Variants in PPM1H observed in about 807,000 individuals in gnomAD.
PPM1H encodes the protein protein phosphatase, Mg2+/Mn2+ dependent 1H.
A neutral mutation model predicts 54.9 loss-of-function variants in PPM1H; 27 were observed. The observed-to-expected ratio is 0.49, with a 90% CI of 0.36 to 0.68. The LOEUF (loss-of-function observed/expected upper bound fraction) is 0.68, where lower values mean the gene tolerates loss of function less well. Ranked by LOEUF, PPM1H falls within the 30% of genes least tolerant of loss-of-function variation. PPM1H has a pLI of 0.00. For synonymous variants in PPM1H, 305 were observed against 270.8 expected (o/e 1.13, Z -1.24); for missense variants, 596 against 667.8 (o/e 0.89, Z 1.19).
chr12:62,926,341 C>G (rs147010200), intron 1 of PPM1H, among the ~76,000 whole-genome samples: 2 of 152,088 alleles, frequency 1.3e-5, no homozygotes, highest in Admixed American at 1.3e-4. Context: ...CCCCCACCAC[C>G]CCAAAGTTAG....
rs183362125 is a variant in PPM1H at position 62,677,513 on chromosome 12, A to C, written c.1246-10184T>G. ...GGCACCACCATGTTCCCCAGTGCCC[A>C]CAGTGGAAGCCGCTTGTGGTGTGCC... On this transcript the variant is annotated intron_variant, in intron 8 of 9. Transcript: ENST00000228705. Among the ~76,000 whole-genome samples the C allele has an allele frequency of 2.3e-3, 348 of 152,308 alleles. 1 individual carries two copies. Among genetic ancestry groups the C allele is most frequent in the African/African-American group, 7.8e-3 (324 of 41,580 alleles).
rs546466432 is a variant in PPM1H, at chr12:62,925,177, A to G, written c.245+9315T>C. 4.0e-4 allele frequency among the ~76,000 whole-genome samples: 61 copies of G among 152,344 alleles called. 2 individuals carry two copies. In the South Asian group the frequency reaches 0.011, roughly 27 times the overall value. ...TATCTTAGACTAATTAAAAAAGGGG[A>G]AACTATAGAAGTTGAACTTTTGTTT... is the stretch of plus-strand genomic sequence containing the variant. On this transcript the variant is annotated intron_variant, in intron 1 of 9. Coordinates refer to ENST00000228705, the MANE Select transcript of PPM1H (RefSeq NM_020700.2).
chr12:62,857,963 A>G (rs944381477), intron 1 of PPM1H, among the ~76,000 whole-genome samples: 3 of 151,968 alleles, frequency 2.0e-5, no homozygotes, highest in Non-Finnish European at 4.4e-5. Context: ...ACCCTTATCT[A>G]TTTGTCATGA....
intron 1 of PPM1H, among the ~76,000 whole-genome samples, chr12:62,912,193 A>G (rs1305230181): frequency 1.3e-5 from 2 of 152,248 alleles, no homozygotes; most frequent in African/African-American, 4.8e-5. Flanking sequence ...TATGAAGCTA[A>G]CAACATTCAT....
At chr12:62,778,995 G>A (rs1161157147) in intron 4 of PPM1H, among the ~76,000 whole-genome samples, 2 of 149,082 alleles carry the variant, frequency 1.3e-5, no homozygotes, top group Non-Finnish European at 3.0e-5. Context: ...AAGGAAGGAA[G>A]AAAGAAAAAG....
intron 6 of PPM1H, among the ~76,000 whole-genome samples, chr12:62,699,296 A>G (rs1367121628): frequency 6.6e-6 from 1 of 152,210 alleles, no homozygotes; most frequent in Non-Finnish European, 1.5e-5. Context: ...TCCTGGGTTC[A>G]AGTGATTCTC....
chr12:62,926,556 A>C (rs1156932377), intron 1 of PPM1H, among the ~76,000 whole-genome samples: 3 of 152,224 alleles, frequency 2.0e-5, no homozygotes, highest in African/African-American at 7.2e-5. Context: ...AAAATATCAC[A>C]ACATAATAGG....
intron 1 of PPM1H, among the ~76,000 whole-genome samples, chr12:62,874,820 T>C (rs1232854712): frequency 2.6e-5 from 4 of 152,246 alleles, no homozygotes. Context: ...CCGTGCTTTA[T>C]GTTAATGTAA....
Position 62,656,140 on chromosome 12 carries a change from C to G in PPM1H, c.1398-7504G>C, listed in dbSNP as rs569021159. ...GATTGTCCTCTTGTCCTTGCAGATT[C>G]TGTTGCTGTCCTTAGTTCTTTTCCT... On this transcript the variant is annotated intron_variant, in intron 9 of 9. Coordinates refer to ENST00000228705, the MANE Select transcript of PPM1H (RefSeq NM_020700.2). Among the ~76,000 whole-genome samples, 9 of 152,338 alleles carry G rather than the reference C, an allele frequency of 5.9e-5. No homozygotes were observed. The East Asian group carries it at 1.5e-3, about 26-fold the overall frequency.
In PPM1H at chr12:62,801,892, G is replaced by C. The variant is rs2076772178; in HGVS notation, c.680C>G (p.Thr227Arg). ...GAPGSPSTPP[T>R]RFFTEKKIPH... ...AATCTTCTTCTCGGTAAAGAAGCGT[G>C]TGGGGGGCGTGCTGGGGGAGCCCGG... Residue 227 changes from threonine (T) to arginine (R), a missense_variant, in exon 3 of 10, where the codon ACA (threonine) becomes AGA (arginine). Physicochemically the swap from Thr to Arg is moderately conservative, Grantham distance 71 (BLOSUM62 -1). Coordinates refer to ENST00000228705, the MANE Select transcript of PPM1H (RefSeq NM_020700.2). The C allele has an allele frequency of 6.2e-7, 1 of 1,613,726 alleles. No individual in the cohort carries two copies. The highest frequency in any genetic ancestry group is 1.7e-5 in the Admixed American group (1 of 60,008).
intron 8 of PPM1H, among the ~76,000 whole-genome samples, chr12:62,683,054 ATTATTATTATTATTATTAT>A (rs935610676): frequency 2.9e-5 from 4 of 140,030 alleles, no homozygotes; most frequent in African/African-American, 8.4e-5. Context: ...TATTATTATT[ATTATTATTATTATTATTAT>A]TATTATTATT....
rs567775927 is a variant in PPM1H, at chr12:62,673,715, C to CTTTTTTTTTTTTTTTTTTTTTTT, written c.1246-6409_1246-6387dup. Among the ~76,000 whole-genome samples the CTTTTTTTTTTTTTTTTTTTTTTT allele has an allele frequency of 2.9e-3, 120 of 41,968 alleles. 34 individuals carry two copies. Among genetic ancestry groups the CTTTTTTTTTTTTTTTTTTTTTTT allele is most frequent in the Non-Finnish European group, 4.5e-3 (92 of 20,642 alleles). The allele number at this position is 41,968 out of a possible 152,430, so 27.5% of individuals were successfully genotyped here. On this transcript the variant is annotated intron_variant, in intron 8 of 9. Coordinates refer to ENST00000228705, the MANE Select transcript of PPM1H (RefSeq NM_020700.2). ...GCTTTGTGACTTGAGAAGAGCCACT[C>CTTTTTTTTTTTTTTTTTTTTTTT]TTTTTTTTTTTTTTTTTTTTTTTTT...
intron 1 of PPM1H, among the ~76,000 whole-genome samples, chr12:62,865,145 C>G (rs925440088): frequency 1.3e-5 from 2 of 152,184 alleles, no homozygotes; most frequent in African/African-American, 4.8e-5. Context: ...ATGTCTGTCA[C>G]TAGGGAGGGA....
intron 4 of PPM1H, among the ~76,000 whole-genome samples, chr12:62,775,602 TATATAA>T (rs2076605538): frequency 6.6e-6 from 1 of 150,692 alleles, no homozygotes; most frequent in Non-Finnish European, 1.5e-5. Context: ...ATGAATATTA[TATATAA>T]ATGAGTGTGT....
chr12:62,762,239 C>A (rs996646329), intron 4 of PPM1H, among the ~76,000 whole-genome samples: 1 of 152,216 alleles, frequency 6.6e-6, no homozygotes, highest in African/African-American at 2.4e-5. Context: ...GGTGACCACA[C>A]CTGATGTGTG....
At chr12:62,813,151 C>A (rs1274639326) in intron 2 of PPM1H, among the ~76,000 whole-genome samples, 1 of 151,942 alleles carries the variant, frequency 6.6e-6, no homozygotes, top group Non-Finnish European at 1.5e-5. Flanking sequence ...CTGTGGAGAC[C>A]AACAGAAATA....
At chr12:62,710,100 C>T (rs1295437873) in intron 6 of PPM1H, among the ~76,000 whole-genome samples, 2 of 151,772 alleles carry the variant, frequency 1.3e-5, no homozygotes, top group East Asian at 1.9e-4. Flanking sequence ...TCTTGGGCCA[C>T]GTGGCAATCT....
intron 1 of PPM1H, among the ~76,000 whole-genome samples, chr12:62,836,488 GGTAGCTGCCACT>G (rs1868507023): frequency 6.6e-6 from 1 of 152,152 alleles, no homozygotes; most frequent in Non-Finnish European, 1.5e-5. Context: ...AACTCTATAA[GGTAGCTGCCACT>G]GTTACTCCCT....
intron 1 of PPM1H, chr12:62,933,852 A>T (rs1458707783): frequency 6.6e-6 from 1 of 152,238 alleles, no homozygotes; most frequent in Admixed American, 6.5e-5. Context: ...GACAGTTGGA[A>T]TAAGTTTCCC....
Sources: gnomAD v4.1 joint callset for allele counts (sites outside exome capture counted in the v4.1 genomes callset) on GRCh38, gnomAD v4.1.1 for gene constraint, MANE v1.5 for transcripts, NCBI Gene and HGNC (gene_info 2026-07-23, HGNC 2026-07-21) for gene names.